Variants in CTH observed in about 807,000 individuals in gnomAD.
The protein encoded by CTH is cystathionine gamma-lyase, also known as cystathionase (cystathionine gamma-lyase).
Under a neutral mutation model 50.6 loss-of-function variants are expected in CTH, and 41 were observed. That is an observed-to-expected ratio of 0.81 (90% confidence interval 0.63 to 1.05). CTH has a LOEUF of 1.05. CTH is among the 50% of genes least tolerant of loss of function. CTH has a pLI of 0.00. For synonymous variants in CTH, 156 were observed against 168.9 expected, an observed-to-expected ratio of 0.92 and a Z score of 0.59; for missense variants, 470 against 492.6, an observed-to-expected ratio of 0.95 and a Z score of 0.43.
In CTH at chr1:70,411,525, T is replaced by C. The variant is rs1169992524; in HGVS notation, c.110T>C (p.Val37Ala). 1.2e-6 allele frequency: 2 copies of C among 1,614,080 alleles called. No individual in the cohort carries two copies. The highest frequency in any genetic ancestry group is 1.7e-6 in the Non-Finnish European group (2 of 1,180,058). ...CCAGAGCAATGGACCTCCAGGGCTG[T>C]AGTGCCCCCCATCTCACTGTCCACC... is the stretch of plus-strand genomic sequence containing the variant. ...QDPEQWTSRA[V>A]VPPISLSTTF... Residue 37 changes from valine to alanine, a missense_variant, in exon 1 of 12, where the codon GTA becomes GCA. Physicochemically the swap from Val to Ala is moderately conservative, Grantham distance 64. Coordinates refer to ENST00000370938, the MANE Select transcript of CTH (RefSeq NM_001902.6).
chr1:70,414,284 C>G (rs991539508), intron 1 of CTH, among the ~76,000 whole-genome samples: 23 of 151,684 alleles, frequency 1.5e-4, no homozygotes, highest in African/African-American at 5.3e-4. Context: ...GAGGCTGAGG[C>G]GGGTGGGTCA....
chr1:70,418,986 C>T (rs559101028), intron 3 of CTH, among the ~76,000 whole-genome samples: 76 of 120,772 alleles, frequency 6.3e-4, no homozygotes, highest in Non-Finnish European at 1.1e-3. Flanking sequence ...CCCCCCACCC[C>T]ACAACAGTCC....
chr1:70,425,245 C>A (rs1684322848), intron 5 of CTH, among the ~76,000 whole-genome samples: 1 of 152,140 alleles, frequency 6.6e-6, no homozygotes, highest in Non-Finnish European at 1.5e-5. Context: ...ATTTATTTTA[C>A]ATTATAGCTG....
Position 70,438,697 on chromosome 1 carries a change from G to A in CTH, c.1062G>A (p.Met354Ile). The A allele has an allele frequency of 6.2e-7, 1 of 1,614,032 alleles. No individual in the cohort carries two copies. The highest frequency in any genetic ancestry group is 1.1e-5 in the South Asian group (1 of 91,054). Residue 354 changes from methionine to isoleucine, a missense_variant, in exon 11 of 12, where the codon ATG becomes ATA. Coordinates refer to ENST00000370938, the MANE Select transcript of CTH (RefSeq NM_001902.6). ...FESLAELPAI[M>I]THASVLKNDR... is the part of the protein sequence containing the mutation. ...TCATGTCTTCTTTCAGGGCAATCAT[G>A]ACTCATGCATCAGTTCTTAAGAATG... is the stretch of plus-strand genomic sequence containing the variant.
chr1:70,427,361 G>A (rs1036952021), intron 5 of CTH, among the ~76,000 whole-genome samples: 1 of 152,136 alleles, frequency 6.6e-6, no homozygotes, highest in Admixed American at 6.5e-5. Flanking sequence ...TATGATGAGA[G>A]CCATAAAGGT....
chr1:70,434,908 A>G, intron 9 of CTH: 1 of 379,766 alleles, frequency 2.6e-6, no homozygotes, highest in South Asian at 2.2e-5. Flanking sequence ...GCGTGCCACC[A>G]TGCTCAGCTA....
At chr1:70,412,343 C>A (rs1448806817) in intron 1 of CTH, among the ~76,000 whole-genome samples, 1 of 152,248 alleles carries the variant, frequency 6.6e-6, no homozygotes, top group South Asian at 2.1e-4. Flanking sequence ...CAGTGGCTTA[C>A]GCCTGTAATC....
At chr1:70,418,155 A>T in intron 3 of CTH, 123 bp downstream of exon 3, 1 of 1,225,210 alleles carries the variant, frequency 8.2e-7, no homozygotes, top group Non-Finnish European at 1.2e-6. Context: ...TACAGGTGTG[A>T]CAGGTACCTC....
intron 10 of CTH, among the ~76,000 whole-genome samples, chr1:70,436,002 C>T (rs1429772426): frequency 6.6e-6 from 1 of 152,084 alleles, no homozygotes; most frequent in Non-Finnish European, 1.5e-5. Flanking sequence ...TTTTTTAACA[C>T]ATAAAATGAG....
At chr1:70,430,693 C>G (rs1238122857) in intron 7 of CTH, among the ~76,000 whole-genome samples, 3 of 151,726 alleles carry the variant, frequency 2.0e-5, no homozygotes, top group Admixed American at 6.6e-5. Context: ...AGGTGCCCAC[C>G]ACCATGCCCA....
chr1:70,429,904 G>A (rs1038524981), intron 6 of CTH, 53 bp downstream of exon 6: 16 of 1,334,958 alleles, frequency 1.2e-5, no homozygotes, highest in Admixed American at 6.7e-5. Context: ...AAATTGCATA[G>A]GGCTTGGCTT....
At chr1:70,434,128 A>G (rs141111932) in intron 9 of CTH, among the ~76,000 whole-genome samples, 179 bp downstream of exon 9, 13 of 152,350 alleles carry the variant, frequency 8.5e-5, no homozygotes, top group African/African-American at 3.1e-4. Flanking sequence ...CAGACATCTA[A>G]ATATGTTCAC....
chr1:70,418,276 A>C (rs1330668672), intron 3 of CTH, among the ~76,000 whole-genome samples: 1 of 152,022 alleles, frequency 6.6e-6, no homozygotes, highest in Non-Finnish European at 1.5e-5. Context: ...TTTAGATAGG[A>C]TCTCACTCTG....
rs1290593238 is a variant in CTH, at chr1:70,411,600, T to G, written c.168+17T>G. On this transcript the variant is annotated intron_variant, in intron 1 of 11. Transcript: ENST00000370938. ...CAGCACTCGGTGAGCTGGGTCTGTC[T>G]GGGGCTGTCCACAGTTGGGCGGTAA... The G allele has an allele frequency of 6.2e-7, 1 of 1,611,452 alleles. No individual in the cohort carries two copies. Among genetic ancestry groups the G allele is most frequent in the Non-Finnish European group, 8.5e-7 (1 of 1,177,950 alleles).
chr1:70,422,811 C>T (rs1209916660), intron 4 of CTH, among the ~76,000 whole-genome samples: 1 of 152,004 alleles, frequency 6.6e-6, no homozygotes, highest in Non-Finnish European at 1.5e-5. Context: ...GGGGTTTCAC[C>T]TTGTTGGCCA....
At chr1:70,427,000 G>C (rs940848357) in intron 5 of CTH, among the ~76,000 whole-genome samples, 1 of 151,948 alleles carries the variant, frequency 6.6e-6, no homozygotes, top group Admixed American at 6.6e-5. Flanking sequence ...ATCACATTCC[G>C]CATGCCAATG....
intron 7 of CTH, among the ~76,000 whole-genome samples, chr1:70,431,477 A>G (rs927981108): frequency 4.6e-5 from 7 of 152,332 alleles, no homozygotes; most frequent in African/African-American, 1.7e-4. Flanking sequence ...TACATTGCTT[A>G]GTTTATCTCC....
At chr1:70,433,181 T>C (rs1320103674) in intron 8 of CTH, among the ~76,000 whole-genome samples, 1 of 152,166 alleles carries the variant, frequency 6.6e-6, no homozygotes, top group Non-Finnish European at 1.5e-5. Flanking sequence ...CTAGAATATA[T>C]AGAAAAATTA....
chr1:70,417,500 G>A (rs532338671), intron 2 of CTH, among the ~76,000 whole-genome samples: 47 of 152,192 alleles, frequency 3.1e-4, no homozygotes, highest in Middle Eastern at 3.4e-3. Flanking sequence ...GGCCAGGCTG[G>A]TCACGAAATC....
Sources: gnomAD v4.1 joint callset for allele counts (sites outside exome capture counted in the v4.1 genomes callset) on GRCh38, gnomAD v4.1.1 for gene constraint, MANE v1.5 for transcripts, NCBI Gene and HGNC (gene_info 2026-07-23, HGNC 2026-07-21) for gene names.